FAAH: variants seen among roughly 807,000 people sequenced by gnomAD.
FAAH encodes fatty-acid amide hydrolase 1.
A neutral mutation model predicts 69.7 loss-of-function variants in FAAH; 63 were observed. The observed-to-expected ratio is 0.90, with a 90% CI of 0.74 to 1.12. FAAH has a LOEUF of 1.12. FAAH is among the 50% of genes most tolerant of loss of function. FAAH has a pLI of 0.00. For synonymous variants in FAAH, 305 were observed against 324.2 expected (o/e 0.94, Z 0.64); for missense variants, 680 against 755.0 (o/e 0.90, Z 1.16).
intron 13 of FAAH, among the ~76,000 whole-genome samples, chr1:46,412,704 G>A (rs954186924): frequency 6.6e-6 from 1 of 152,048 alleles, no homozygotes; most frequent in South Asian, 2.1e-4. Flanking sequence ...CTGGCTACTC[G>A]GGGGGCTGAG....
intron 9 of FAAH, 137 bp downstream of exon 9, chr1:46,409,335 G>A (rs1664858508): frequency 2.7e-6 from 2 of 728,826 alleles, no homozygotes; most frequent in Admixed American, 2.0e-5. Flanking sequence ...CAGGGACCTC[G>A]CTGTCCCTCC....
rs748946924 is a variant in FAAH at position 46,405,993 on chromosome 1, C to T, written c.786-45C>T. 17 of 1,613,820 alleles carry T rather than the reference C, an allele frequency of 1.1e-5. No individual in the cohort carries two copies. Among genetic ancestry groups the T allele is most frequent in the Non-Finnish European group, 1.4e-5 (17 of 1,179,916 alleles). ...TGCTCTGTGGGTGTGGGGATGGCGG[C>T]GGGTGGCCATTTCCTGTTTCCAGCA... On this transcript the variant is annotated intron_variant, in intron 5 of 14. Transcript: ENST00000243167. This position sits in a 1 kb window ranked among gnomAD's most constrained non-coding sequence, Gnocchi z 4.1.
At chr1:46,400,498 A>G (rs1664678834) in intron 1 of FAAH, among the ~76,000 whole-genome samples, 1 of 151,822 alleles carries the variant, frequency 6.6e-6, no homozygotes, top group Non-Finnish European at 1.5e-5. Context: ...TTTCAGAGCT[A>G]CTTAGCTTGG....
intron 1 of FAAH, among the ~76,000 whole-genome samples, chr1:46,398,757 A>G (rs1158347735): frequency 6.6e-6 from 1 of 151,774 alleles, no homozygotes; most frequent in Non-Finnish European, 1.5e-5. Flanking sequence ...CTGGTCTCGA[A>G]CTCCTGACCT....
chr1:46,399,853 T>C (rs534364502), intron 1 of FAAH, among the ~76,000 whole-genome samples: 1 of 152,316 alleles, frequency 6.6e-6, no homozygotes, highest in Non-Finnish European at 1.5e-5. Context: ...TTCATAAATA[T>C]TTTCTTTTCC....
chr1:46,411,778 T>A lies in FAAH; in HGVS notation c.1356+127T>A. On this transcript the variant is annotated intron_variant, in intron 12 of 14. Transcript: ENST00000243167. This position sits in a 1 kb window ranked among gnomAD's most constrained non-coding sequence, Gnocchi z 4.8. ...TCCTAGACTGGCCTGTCATCCCCCTTCCACTCCCTGGACCACCACTTGGGC... is the reference window on the plus strand; with the variant it reads ...TCCTAGACTGGCCTGTCATCCCCCTACCACTCCCTGGACCACCACTTGGGC... The A allele has an allele frequency of 9.5e-7, 1 of 1,050,288 alleles. No individual in the cohort carries two copies. Among genetic ancestry groups the A allele is most frequent in the Non-Finnish European group, 1.4e-6 (1 of 699,342 alleles). 65.1% of individuals were successfully genotyped at this position (1,050,288 alleles called of 1,614,324 possible). A position where few individuals can be genotyped will look rare whatever the true frequency, so the allele number is the denominator to read the frequency against.
At chr1:46,400,044 G>A (rs780398957) in intron 1 of FAAH, among the ~76,000 whole-genome samples, 1 of 152,064 alleles carries the variant, frequency 6.6e-6, no homozygotes, top group African/African-American at 2.4e-5. Flanking sequence ...CTTCTTTGTA[G>A]CTCCTTGTGT....
intron 1 of FAAH, among the ~76,000 whole-genome samples, chr1:46,396,734 A>G (rs1664603903): frequency 6.6e-6 from 1 of 152,222 alleles, no homozygotes; most frequent in South Asian, 2.1e-4. Context: ...ACAGATTACC[A>G]GCATCTCAAG....
At chr1:46,407,367 G>A (rs45586133) in intron 7 of FAAH, among the ~76,000 whole-genome samples, 16,993 of 152,164 alleles carry the variant, frequency 0.11, 1,237 homozygotes, top group Non-Finnish European at 0.16. Flanking sequence ...CCCATGTTAA[G>A]GATTGGTGGG....
rs75229929 is a variant in FAAH, at chr1:46,411,933, T to G, written c.1357-210T>G. 9.9e-5 allele frequency among the ~76,000 whole-genome samples: 15 copies of G among 152,164 alleles called. 1 individual carries two copies. Among genetic ancestry groups the G allele is most frequent in the Admixed American group, 9.2e-4 (14 of 15,290 alleles). ...GTGGCTCCGCCTCAGCGGGAAGAGG[T>G]GTATCCACAATTCATTCTGGAGGCA... On this transcript the variant is annotated intron_variant, in intron 12 of 14. Coordinates refer to ENST00000243167, the MANE Select transcript of FAAH (RefSeq NM_001441.3). This position sits in a 1 kb window ranked among gnomAD's most constrained non-coding sequence, Gnocchi z 4.8.
rs905816553 is a variant in FAAH, at chr1:46,412,207, T to C, written c.1421T>C (p.Met474Thr). ...GACCTGGATGTGGTGCTGACCCCCA[T>C]GCTGGCCCCTGCTCTGGACTTGAAT... Reference protein sequence around the residue: ...ALDLDVVLTPMLAPALDLNAP... With the variant: ...ALDLDVVLTPTLAPALDLNAP... Residue 474 changes from methionine (M) to threonine (T), a missense_variant, in exon 13 of 15, where the codon ATG (methionine) becomes ACG (threonine). Transcript: ENST00000243167. The C allele has an allele frequency of 1.3e-6, 2 of 1,559,400 alleles. No homozygotes were observed. The highest frequency in any genetic ancestry group is 2.7e-5 in the African/African-American group (2 of 73,348).
chr1:46,411,765 C>G lies in FAAH; in HGVS notation c.1356+114C>G. 1.7e-6 allele frequency: 2 copies of G among 1,180,412 alleles called. No individual in the cohort carries two copies. The highest frequency in any genetic ancestry group is 1.5e-5 in the African/African-American group (1 of 66,130). The allele number at this position is 1,180,412 out of a possible 1,614,324, so 73.1% of individuals were successfully genotyped here. ...GCCCCCATGGGGCTCCTAGACTGGC[C>G]TGTCATCCCCCTTCCACTCCCTGGA... On this transcript the variant is annotated intron_variant, in intron 12 of 14. Transcript: ENST00000243167. The surrounding 1 kb of genome is among the most constrained non-coding windows in gnomAD (Gnocchi z 4.8).
In FAAH at chr1:46,406,248, T is replaced by A. The variant is rs745951192; in HGVS notation, c.831T>A (p.Arg277=). 13 of 1,613,894 alleles carry A rather than the reference T, an allele frequency of 8.1e-6. No homozygotes were observed. The African/African-American group carries it at 1.6e-4, about 20-fold the overall frequency. Residue 277 remains arginine, a synonymous_variant, in exon 7 of 15, where the codon CGT becomes CGA. Transcript: ENST00000243167. ...KGCVYGQEAV[R]LSVGPMARDV... is the part of the protein sequence containing the mutation. ...CCTCACCTCTCTGCCCCACAGTGCGTCTCTCCGTGGGCCCCATGGCCCGGG... is the reference window on the plus strand; with the variant it reads ...CCTCACCTCTCTGCCCCACAGTGCGACTCTCCGTGGGCCCCATGGCCCGGG...
Position 46,413,581 on chromosome 1 carries a change from C to G in FAAH, c.*6C>G. The G allele has an allele frequency of 3.1e-6, 5 of 1,614,080 alleles. No individual in the cohort carries two copies. Among genetic ancestry groups the G allele is most frequent in the South Asian group, 1.1e-5 (1 of 91,080 alleles). On this transcript the variant is annotated 3_prime_UTR_variant, in exon 15 of 15. Transcript: ENST00000243167. ...CTGAAAAGCAGTCATCCTGATGGCT[C>G]TGGCTCCAGAGGACCTGAGACTCAC...
chr1:46,406,201 T>C, intron 6 of FAAH, 43 bp from the exon 7 acceptor site: 7 of 1,614,032 alleles, frequency 4.3e-6, no homozygotes, highest in Non-Finnish European at 5.9e-6. Flanking sequence ...TCTGGGTTCC[T>C]CGCTCCTTGT....
Position 46,409,218 on chromosome 1 carries a change from G to C in FAAH, c.1175+20G>C. ...GAACTTGTGAGTGATAGTGGGCTTTGGGGTCTTGGTGGGATCAGACAAGTA... is the reference window on the plus strand; with the variant it reads ...GAACTTGTGAGTGATAGTGGGCTTTCGGGTCTTGGTGGGATCAGACAAGTA... On this transcript the variant is annotated intron_variant, in intron 9 of 14. Coordinates refer to ENST00000243167, the MANE Select transcript of FAAH (RefSeq NM_001441.3). 6.3e-7 allele frequency: 1 copy of C among 1,598,068 alleles called. No homozygotes were observed. The highest frequency in any genetic ancestry group is 8.6e-7 in the Non-Finnish European group (1 of 1,165,472).
At chr1:46,403,613 G>A (rs1485325121) in intron 2 of FAAH, among the ~76,000 whole-genome samples, 2 of 152,234 alleles carry the variant, frequency 1.3e-5, no homozygotes, top group Non-Finnish European at 2.9e-5. Context: ...CTCTGCACTG[G>A]CTTGGGTGGG....
intron 1 of FAAH, among the ~76,000 whole-genome samples, chr1:46,399,137 T>C (rs1414051645): frequency 6.6e-6 from 1 of 152,238 alleles, no homozygotes; most frequent in Non-Finnish European, 1.5e-5. Flanking sequence ...TTACCCTGAA[T>C]GGTTTTTCCT....
chr1:46,402,402 TG>T (rs1161481252), intron 2 of FAAH, among the ~76,000 whole-genome samples, 198 bp downstream of exon 2: 1 of 152,246 alleles, frequency 6.6e-6, no homozygotes, highest in Non-Finnish European at 1.5e-5. Context: ...CGTGTGTGTA[TG>T]TATGTGTGTA....
Sources: gnomAD v4.1 joint callset for allele counts (sites outside exome capture counted in the v4.1 genomes callset) on GRCh38, gnomAD v4.1.1 for gene constraint, Gnocchi (gnomAD v3.1) non-coding constraint, MANE v1.5 for transcripts, NCBI Gene and HGNC (gene_info 2026-07-23, HGNC 2026-07-21) for gene names.